The following FAM135B variants were observed in gnomAD, a reference collection of about 807,000 sequenced individuals.
FAM135B encodes the protein protein FAM135B.
In FAM135B, 43 loss-of-function variants were observed where a neutral mutation model predicts 127.7. That is an observed-to-expected ratio of 0.34 (90% confidence interval 0.26 to 0.43). FAM135B has a LOEUF of 0.43. Ranked by LOEUF, FAM135B falls within the 20% of genes least tolerant of loss-of-function variation. The pLI, the probability that FAM135B is intolerant of heterozygous loss-of-function variation, is 1.00. For synonymous variants in FAM135B, 670 were observed against 665.1 expected, an observed-to-expected ratio of 1.01 and a Z score of -0.11; for missense variants, 1,558 against 1,725.6, an observed-to-expected ratio of 0.90 and a Z score of 1.72.
chr8:138,280,550 A>G (rs553191625), intron 3 of FAM135B, among the ~76,000 whole-genome samples: 1 of 152,256 alleles, frequency 6.6e-6, no homozygotes, highest in South Asian at 2.1e-4. Flanking sequence ...ATCTCTTGCT[A>G]TTATGCGGCT....
chr8:138,192,237 G>C (rs1269548434), intron 9 of FAM135B, among the ~76,000 whole-genome samples: 1 of 152,230 alleles, frequency 6.6e-6, no homozygotes, highest in Non-Finnish European at 1.5e-5. Flanking sequence ...AAAGAGACCT[G>C]AACTAACCAC....
At position 138,242,984 on chromosome 8, in the gene FAM135B, G is replaced by A; in HGVS notation, c.627C>T (p.Asn209=). 1 of 1,613,924 alleles carries A rather than the reference G, an allele frequency of 6.2e-7. No individual in the cohort carries two copies. Among genetic ancestry groups the A allele is most frequent in the Non-Finnish European group, 8.5e-7 (1 of 1,179,906 alleles). ...TGCAGTACCCAGCTCCAAAGACCAA[G>A]TTTTCCAGAGAAATGATAGACTGTT... ...GQEQSIISLE[N]LVFGAGYCKP... is the part of the protein sequence containing the mutation. Residue 209 remains asparagine (N), a synonymous_variant, in exon 7 of 20, where the codon AAC becomes AAT. Transcript: ENST00000395297. The surrounding 1 kb of genome is among the most constrained non-coding windows in gnomAD (Gnocchi z 9.6).
chr8:138,269,827 A>G (rs1160805004), intron 3 of FAM135B, among the ~76,000 whole-genome samples: 1 of 152,198 alleles, frequency 6.6e-6, no homozygotes, highest in East Asian at 1.9e-4. Context: ...TTACTGAAAA[A>G]TTATCAAAAT....
At chr8:138,336,796 C>T (rs1163526246) in intron 2 of FAM135B, among the ~76,000 whole-genome samples, 1 of 152,072 alleles carries the variant, frequency 6.6e-6, no homozygotes, top group Non-Finnish European at 1.5e-5. Flanking sequence ...CTGGCAGAGA[C>T]ACAACAAAAA....
intron 2 of FAM135B, among the ~76,000 whole-genome samples, chr8:138,338,301 C>A (rs1828767931): frequency 6.6e-6 from 1 of 151,420 alleles, no homozygotes; most frequent in South Asian, 2.1e-4. Flanking sequence ...GCAAAAGAAA[C>A]TACCATCAGA....
chr8:138,152,454 C>T lies in FAM135B; in HGVS notation c.2021G>A (p.Gly674Glu), dbSNP rs1482726590. 6.2e-7 allele frequency: 1 copy of T among 1,614,180 alleles called. No homozygotes were observed. Among genetic ancestry groups the T allele is most frequent in the South Asian group, 1.1e-5 (1 of 91,078 alleles). Residue 674 changes from glycine (G) to glutamate (E), a missense_variant, in exon 13 of 20, where the codon GGG becomes GAG. Gly to Glu is a moderately conservative substitution (Grantham distance 98, BLOSUM62 -2). Coordinates refer to ENST00000395297, the MANE Select transcript of FAM135B (RefSeq NM_015912.4). ...EEQEELSVLS[G>E]VIKRSSSIIS... ...GATGGATGAAGATCTCTTGATGACC[C>T]CGGATAGCACTGAGAGTTCCTCCTG...
At chr8:138,167,467 A>G (rs921838269) in intron 12 of FAM135B, among the ~76,000 whole-genome samples, 1 of 152,142 alleles carries the variant, frequency 6.6e-6, no homozygotes, top group African/African-American at 2.4e-5. Flanking sequence ...AAGTGCTGGG[A>G]TTACAGGCGC....
At chr8:138,419,554 C>T (rs1834367136) in intron 1 of FAM135B, among the ~76,000 whole-genome samples, 1 of 152,126 alleles carries the variant, frequency 6.6e-6, no homozygotes, top group African/African-American at 2.4e-5. Context: ...ACAGAATATA[C>T]ATTATTCTTA....
intron 2 of FAM135B, among the ~76,000 whole-genome samples, chr8:138,331,277 T>C (rs960722476): frequency 1.3e-5 from 2 of 152,216 alleles, no homozygotes; most frequent in African/African-American, 2.4e-5. Context: ...TTTCGTCATC[T>C]GACTCAGGCA....
intron 2 of FAM135B, among the ~76,000 whole-genome samples, chr8:138,313,135 A>AT (rs1253449791): frequency 6.6e-6 from 1 of 152,004 alleles, no homozygotes; most frequent in African/African-American, 2.4e-5. Flanking sequence ...AAAATTATTC[A>AT]TTTTTTCTTT....
At position 138,242,631 on chromosome 8, in the gene FAM135B, C is replaced by T. The variant is rs1018514843; in HGVS notation, c.669+311G>A. Among the ~76,000 whole-genome samples, 1 of 152,154 alleles carries T rather than the reference C, an allele frequency of 6.6e-6. No homozygotes were observed. Among genetic ancestry groups the T allele is most frequent in the Non-Finnish European group, 1.5e-5 (1 of 68,032 alleles). On this transcript the variant is annotated intron_variant, in intron 7 of 19. Coordinates refer to ENST00000395297, the MANE Select transcript of FAM135B (RefSeq NM_015912.4). This position sits in a 1 kb window ranked among gnomAD's most constrained non-coding sequence, Gnocchi z 9.6. ...CCAGACATGGCCTTCAACGTTATCA[C>T]ATAGTCTGAGTGGCCCCCTCACAGC...
intron 1 of FAM135B, among the ~76,000 whole-genome samples, chr8:138,461,370 C>G (rs1259494107): frequency 6.6e-6 from 1 of 152,124 alleles, no homozygotes; most frequent in Admixed American, 6.5e-5. Context: ...TGTTTCAGTT[C>G]TAAGATGTTA....
At chr8:138,182,990 C>G (rs1815212267) in intron 9 of FAM135B, among the ~76,000 whole-genome samples, 1 of 152,138 alleles carries the variant, frequency 6.6e-6, no homozygotes. Flanking sequence ...TCATCTTCAT[C>G]CAGAATCCCT....
At chr8:138,150,893 T>C (rs1818083334) in intron 13 of FAM135B, among the ~76,000 whole-genome samples, 1 of 152,084 alleles carries the variant, frequency 6.6e-6, no homozygotes, top group Non-Finnish European at 1.5e-5. Context: ...GTCTAATTTT[T>C]GTATAAAAAG....
At chr8:138,297,257 C>T (rs1825543155) in intron 3 of FAM135B, among the ~76,000 whole-genome samples, 2 of 152,198 alleles carry the variant, frequency 1.3e-5, no homozygotes, top group Non-Finnish European at 2.9e-5. Flanking sequence ...AGAGCCGCTG[C>T]CGTTTGAATA....
intron 1 of FAM135B, among the ~76,000 whole-genome samples, chr8:138,444,104 T>C (rs965656960): frequency 2.0e-5 from 3 of 152,264 alleles, no homozygotes; most frequent in Admixed American, 6.5e-5. Flanking sequence ...GAGCTAACCA[T>C]CTTAAATACA....
chr8:138,366,525 G>T (rs766668629), intron 2 of FAM135B, among the ~76,000 whole-genome samples: 1 of 152,186 alleles, frequency 6.6e-6, no homozygotes, highest in Non-Finnish European at 1.5e-5. Flanking sequence ...CTCTGTGAAT[G>T]CTGCCCAAAA....
intron 7 of FAM135B, among the ~76,000 whole-genome samples, chr8:138,227,297 T>C (rs530449600): frequency 6.6e-6 from 1 of 152,330 alleles, no homozygotes; most frequent in Non-Finnish European, 1.5e-5. Flanking sequence ...GTCAGCTATT[T>C]GGGAGTGGTG....
chr8:138,483,868 C>T (rs751202002), intron 1 of FAM135B, among the ~76,000 whole-genome samples: 4 of 152,124 alleles, frequency 2.6e-5, no homozygotes, highest in Non-Finnish European at 1.5e-5. Context: ...ATACACTATA[C>T]GTTACATTTG....
Sources: gnomAD v4.1 joint callset for allele counts (sites outside exome capture counted in the v4.1 genomes callset) on GRCh38, gnomAD v4.1.1 for gene constraint, Gnocchi (gnomAD v3.1) non-coding constraint, MANE v1.5 for transcripts, NCBI Gene and HGNC (gene_info 2026-07-23, HGNC 2026-07-21) for gene names.